TOPBP1: variants seen among roughly 807,000 people sequenced by gnomAD.
TOPBP1 encodes the protein DNA topoisomerase 2-binding protein 1.
Under a neutral mutation model 167.7 loss-of-function variants are expected in TOPBP1, and 28 were observed. The ratio of observed to expected loss-of-function variants is 0.17; its 90% confidence interval spans 0.12 to 0.23. TOPBP1 has a LOEUF of 0.23. Ranked by LOEUF, TOPBP1 falls within the 10% of genes least tolerant of loss-of-function variation. The pLI is 1.00. For missense variants in TOPBP1, 1,554 were observed against 1,809.6 expected (o/e 0.86, Z 2.56); for synonymous variants, 598 against 611.4 (o/e 0.98, Z 0.32).
intron 20 of TOPBP1, 101 bp from the exon 21 acceptor site, chr3:133,618,534 C>T (rs1175037940): frequency 2.0e-6 from 2 of 1,000,944 alleles, no homozygotes; most frequent in African/African-American, 3.2e-5. Context: ...CCTTTATATG[C>T]CCACCATCTA....
At chr3:133,620,416 T>G in intron 19 of TOPBP1, 69 bp from the exon 20 acceptor site, 1 of 1,512,196 alleles carries the variant, frequency 6.6e-7, no homozygotes, top group Non-Finnish European at 8.9e-7. Flanking sequence ...CATTAACTAT[T>G]TTGTTTAGAC....
chr3:133,654,701 T>C (rs937947574), intron 6 of TOPBP1, among the ~76,000 whole-genome samples: 1 of 152,254 alleles, frequency 6.6e-6, no homozygotes, highest in Non-Finnish European at 1.5e-5. Context: ...AATAATGTTA[T>C]GTAACACCAA....
chr3:133,644,703 T>C (rs1936020264), intron 10 of TOPBP1, among the ~76,000 whole-genome samples: 1 of 152,146 alleles, frequency 6.6e-6, no homozygotes, highest in African/African-American at 2.4e-5. Context: ...TAAGAAACTA[T>C]CATTAAGAAA....
rs1934278148 is a variant in TOPBP1 at position 133,601,145 on chromosome 3, C to G, written c.*105G>C. The G allele has an allele frequency of 1.0e-6, 1 of 963,502 alleles. No individual in the cohort carries two copies. The highest frequency in any genetic ancestry group is 1.5e-6 in the Non-Finnish European group (1 of 653,016). The allele number at this position is 963,502 out of a possible 1,614,324, so 59.7% of individuals were successfully genotyped here. ...CATCATTATACTCTGAAGCAGAATT[C>G]TTCAGGTACTCATCTTTAAATTACT... On this transcript the variant is annotated 3_prime_UTR_variant, in exon 28 of 28. Coordinates refer to ENST00000260810, the MANE Select transcript of TOPBP1 (RefSeq NM_007027.4).
At chr3:133,639,087 T>C (rs922835001) in intron 13 of TOPBP1, among the ~76,000 whole-genome samples, 11 of 152,132 alleles carry the variant, frequency 7.2e-5, no homozygotes, top group African/African-American at 2.7e-4. Flanking sequence ...GAAATACCAT[T>C]TGACCCAGCG....
Position 133,623,112 on chromosome 3 carries a change from C to T in TOPBP1, c.3157G>A (p.Gly1053Arg). ...NKESAPSNGSGKNDSKGVLTQ... is the reference protein window; with the variant it reads ...NKESAPSNGSRKNDSKGVLTQ... Reference sequence around the variant, plus strand: ...TTACCTCCTTTAGAGTCATTCTTTCCACTTCCATTTGATGGTGCTGACTCT... The same window carrying T: ...TTACCTCCTTTAGAGTCATTCTTTCTACTTCCATTTGATGGTGCTGACTCT... The change falls in exon 19 of 28, where the codon GGA becomes AGA. Residue 1053 changes from glycine to arginine, a missense_variant. Around this residue, in one of 3 missense-constraint regions of TOPBP1, gnomAD observed 1,197 missense variants for 1,351.5 expected, o/e 0.89. Transcript: ENST00000260810. 4 of 1,608,532 alleles carry T rather than the reference C, an allele frequency of 2.5e-6. No homozygotes were observed. Among genetic ancestry groups the T allele is most frequent in the Non-Finnish European group, 3.4e-6 (4 of 1,176,696 alleles).
In TOPBP1 at chr3:133,618,442, T is replaced by C. The variant is rs751885931; in HGVS notation, c.3372-9A>G. 21 of 1,607,778 alleles carry C rather than the reference T, an allele frequency of 1.3e-5. 1 individual carries two copies. The highest frequency in any genetic ancestry group is 1.2e-4 in the South Asian group (11 of 90,904). The stretch of plus-strand genomic sequence containing the variant: ...CTGTCTGACGAGACTGCCTAAGGAA[T>C]AGAAGTGACAGTTTAAATAAACAGC... On this transcript the variant is annotated splice_polypyrimidine_tract_variant and intron_variant, in intron 20 of 27. Transcript: ENST00000260810.
chr3:133,647,309 C>A (rs185236157), intron 10 of TOPBP1, among the ~76,000 whole-genome samples: 1 of 152,106 alleles, frequency 6.6e-6, no homozygotes, highest in South Asian at 2.1e-4. Context: ...AGCCAATACA[C>A]CAACTTAAAG....
At chr3:133,629,028 C>G (rs1431865226) in intron 14 of TOPBP1, among the ~76,000 whole-genome samples, 1 of 152,000 alleles carries the variant, frequency 6.6e-6, no homozygotes, top group Non-Finnish European at 1.5e-5. Flanking sequence ...TTGTCTCTTA[C>G]CTGAATCTTA....
rs1934577980 is a variant in TOPBP1 at position 133,608,730 on chromosome 3, C to G, written c.4264-34G>C. On this transcript the variant is annotated intron_variant, in intron 26 of 27. Transcript: ENST00000260810. ...AAAACAAGGTAGTATCACAATCTAC[C>G]AGTATTCCAAAGTAGTTCAGCTGTA... 6 of 1,608,692 alleles carry G rather than the reference C, an allele frequency of 3.7e-6. No homozygotes were observed. The African/African-American group carries it at 5.4e-5, about 14-fold the overall frequency.
intron 6 of TOPBP1, among the ~76,000 whole-genome samples, chr3:133,654,940 T>C (rs557416080): frequency 6.6e-6 from 1 of 152,328 alleles, no homozygotes; most frequent in Non-Finnish European, 1.5e-5. Context: ...CTGGGCACGG[T>C]GGCTCATGCC....
intron 16 of TOPBP1, 21 bp downstream of exon 16, chr3:133,628,341 A>G: frequency 6.4e-7 from 1 of 1,571,846 alleles, no homozygotes; most frequent in Non-Finnish European, 8.7e-7. Context: ...TCACCATGAA[A>G]CAGAAAGATG....
intron 12 of TOPBP1, among the ~76,000 whole-genome samples, 192 bp downstream of exon 12, chr3:133,643,008 T>C (rs1935946975): frequency 6.6e-6 from 1 of 152,088 alleles, no homozygotes; most frequent in African/African-American, 2.4e-5. Flanking sequence ...TAAGTTTTCA[T>C]CTTTGGACAA....
chr3:133,660,402 T>C (rs1264296987), intron 2 of TOPBP1, among the ~76,000 whole-genome samples: 2 of 152,204 alleles, frequency 1.3e-5, no homozygotes, highest in East Asian at 3.8e-4. Flanking sequence ...TCATCACTGA[T>C]AAATCCCAAG....
intron 14 of TOPBP1, among the ~76,000 whole-genome samples, chr3:133,635,111 T>C (rs992906127): frequency 1.3e-5 from 2 of 152,204 alleles, no homozygotes; most frequent in Non-Finnish European, 2.9e-5. Context: ...TGCATCATCA[T>C]GCCCAGCTAA....
chr3:133,613,940 C>T lies in TOPBP1; in HGVS notation c.3872-1388G>A, dbSNP rs963420225. Among the ~76,000 whole-genome samples the T allele has an allele frequency of 2.0e-5, 3 of 151,798 alleles. No homozygotes were observed. In the East Asian group the frequency reaches 5.8e-4, roughly 29 times the overall value. ...TCTGAGTAGCTGGGATTACAGGTGC[C>T]CGCCACCACACCTGGCTAATTTTTG... On this transcript the variant is annotated intron_variant, in intron 23 of 27. Coordinates refer to ENST00000260810, the MANE Select transcript of TOPBP1 (RefSeq NM_007027.4).
intron 8 of TOPBP1, among the ~76,000 whole-genome samples, chr3:133,650,766 T>C (rs75100187): frequency 0.14 from 21,430 of 152,092 alleles, 1,856 homozygotes; most frequent in Non-Finnish European, 0.2. Context: ...ATGTAAGAAA[T>C]AATTAAAAGC....
intron 12 of TOPBP1, among the ~76,000 whole-genome samples, chr3:133,642,493 T>C (rs1024413407): frequency 6.6e-6 from 1 of 152,240 alleles, no homozygotes; most frequent in African/African-American, 2.4e-5. Context: ...TTGCTGATTA[T>C]ATCACTGTAG....
intron 23 of TOPBP1, among the ~76,000 whole-genome samples, chr3:133,615,657 T>C (rs1240112771): frequency 6.6e-6 from 1 of 152,176 alleles, no homozygotes; most frequent in Non-Finnish European, 1.5e-5. Flanking sequence ...AATTGAGATG[T>C]GCTGTAAGTT....
Sources: allele counts gnomAD v4.1 joint callset (sites outside exome capture counted in the v4.1 genomes callset), GRCh38; gene constraint gnomAD v4.1.1; regional missense constraint gnomAD v4.1.1; transcripts MANE v1.5; gene names NCBI Gene and HGNC (gene_info 2026-07-23, HGNC 2026-07-21).